The following TNS1 variants were observed in gnomAD, a reference collection of about 807,000 sequenced individuals.
TNS1 encodes tensin 1.
TNS1 carries 62 observed loss-of-function variants against 168.6 expected under a neutral mutation model. The observed-to-expected ratio is 0.37, with a 90% CI of 0.30 to 0.45. TNS1 has a LOEUF of 0.45. Among genes scored for constraint, TNS1 ranks in the 20% least tolerant of loss-of-function variants. The pLI is 1.00. For missense variants in TNS1, 2,240 were observed against 2,339.4 expected, an observed-to-expected ratio of 0.96 and a Z score of 0.88; for synonymous variants, 934 against 933.2, an observed-to-expected ratio of 1.00 and a Z score of -0.02.
At chr2:217,914,462 G>A (rs73990627) in intron 4 of TNS1, among the ~76,000 whole-genome samples, 2,736 of 152,264 alleles carry the variant, frequency 0.018, 55 homozygotes, top group Admixed American at 0.061. Context: ...CATCAGCATG[G>A]TGCCTTATAC....
chr2:217,885,878 G>A (rs1316042382), intron 14 of TNS1, 59 bp from the exon 15 acceptor site: 4 of 1,526,274 alleles, frequency 2.6e-6, no homozygotes, highest in Non-Finnish European at 3.6e-6. Flanking sequence ...TGAGGGAGGG[G>A]CATTTTCTCC....
intron 3 of TNS1, among the ~76,000 whole-genome samples, chr2:217,951,427 A>G (rs541796057): frequency 1.3e-5 from 2 of 152,210 alleles, no homozygotes; most frequent in Non-Finnish European, 2.9e-5. Context: ...GGATTAACTC[A>G]TTCTAATCCT....
At chr2:217,805,417 A>G (rs1410294831) in intron 32 of TNS1, among the ~76,000 whole-genome samples, 1 of 111,682 alleles carries the variant, frequency 9.0e-6, no homozygotes, top group Non-Finnish European at 1.9e-5. Context: ...CTGTGTGTAC[A>G]AACCACCACA....
intron 18 of TNS1, chr2:217,858,630 T>C (rs2125518971): frequency 1.1e-6 from 1 of 942,030 alleles, no homozygotes; most frequent in Admixed American, 6.2e-5. Flanking sequence ...TCCCTCCGAC[T>C]GTCAGGGGTG....
At chr2:217,885,664 C>T (rs1472667735) in intron 15 of TNS1, 80 bp downstream of exon 15, 2 of 1,472,118 alleles carry the variant, frequency 1.4e-6, no homozygotes, top group Non-Finnish European at 1.9e-6. Context: ...CTGTCTTGTC[C>T]CAAGAGGCAG....
In TNS1 at chr2:217,813,394, T is replaced by G. The variant is rs951409147; in HGVS notation, c.4862-87A>C. The G allele has an allele frequency of 2.6e-6, 3 of 1,174,586 alleles. No individual in the cohort carries two copies. Among genetic ancestry groups the G allele is most frequent in the East Asian group, 2.6e-5 (1 of 39,026 alleles). 72.8% of individuals were successfully genotyped at this position (1,174,586 alleles called of 1,614,324 possible). On this transcript the variant is annotated intron_variant, in intron 26 of 32. Coordinates refer to ENST00000682258, the MANE Select transcript of TNS1 (RefSeq NM_001387777.1). This position sits in a 1 kb window ranked among gnomAD's most constrained non-coding sequence, Gnocchi z 4.0. ...CAAGACTGCTTCAAAACTTCCGCAG[T>G]GTGCGGGGCCAAGATGGGAGAAATG... is the stretch of plus-strand genomic sequence containing the variant.
At chr2:218,000,453 C>T (rs1256027759) in intron 1 of TNS1, among the ~76,000 whole-genome samples, 1 of 152,226 alleles carries the variant, frequency 6.6e-6, no homozygotes, top group African/African-American at 2.4e-5. Flanking sequence ...AGCATCAGGT[C>T]TGGGATACAG....
At chr2:218,009,176 G>A (rs931458133) in intron 1 of TNS1, among the ~76,000 whole-genome samples, 1 of 152,198 alleles carries the variant, frequency 6.6e-6, no homozygotes, top group Non-Finnish European at 1.5e-5. Context: ...TGCCCCAAGA[G>A]AGTGGGTCGG....
intron 20 of TNS1, 29 bp from the exon 21 acceptor site, chr2:217,835,195 G>A (rs916573188): frequency 6.3e-7 from 1 of 1,593,834 alleles, no homozygotes; most frequent in Non-Finnish European, 8.6e-7. Context: ...GAGAAAAAGA[G>A]GGAAACCATG....
At chr2:217,833,112 G>A (rs923303552) in intron 21 of TNS1, among the ~76,000 whole-genome samples, 2 of 152,200 alleles carry the variant, frequency 1.3e-5, no homozygotes, top group African/African-American at 2.4e-5. Context: ...CCTCAGAGAC[G>A]GTCATTCATG....
chr2:217,975,090 T>C (rs1334488060), intron 3 of TNS1, among the ~76,000 whole-genome samples: 4 of 152,174 alleles, frequency 2.6e-5, no homozygotes, highest in Admixed American at 1.3e-4. Flanking sequence ...AGCCACCATG[T>C]TGTAAGGACA....
intron 2 of TNS1, among the ~76,000 whole-genome samples, chr2:217,988,936 C>T (rs1958277885): frequency 6.6e-6 from 1 of 152,046 alleles, no homozygotes; most frequent in Non-Finnish European, 1.5e-5. Context: ...ATGCAGTAAG[C>T]GCTTTAGAAA....
intron 17 of TNS1, 149 bp from the exon 18 acceptor site, chr2:217,881,163 A>G: frequency 1.6e-6 from 1 of 618,932 alleles, no homozygotes; most frequent in Admixed American, 2.8e-5. Flanking sequence ...GGTGGGCGGG[A>G]CCAGTGGCTT....
At position 217,882,118 on chromosome 2, in the gene TNS1, A is replaced by G. The variant is rs78178885; in HGVS notation, c.1312+228T>C. 2,393 of 453,660 alleles carry G rather than the reference A, an allele frequency of 5.3e-3. 41 individuals carry two copies. Among genetic ancestry groups the G allele is most frequent in the African/African-American group, 0.044 (2,140 of 48,492 alleles). The allele number at this position is 453,660 out of a possible 1,614,324, so 28.1% of individuals were successfully genotyped here. On this transcript the variant is annotated intron_variant, in intron 17 of 32. Coordinates refer to ENST00000682258, the MANE Select transcript of TNS1 (RefSeq NM_001387777.1). The stretch of plus-strand genomic sequence containing the variant: ...TGACCTAATGGGACCAGAACAGTTT[A>G]TCCAACCCAGTGCCTCTCTGTCTGC...
Position 217,999,905 on chromosome 2 carries a change from G to A in TNS1, c.33+2935C>T, listed in dbSNP as rs148802457. ...GTGACCAGCTTGAGACCACTTAGCT[G>A]GCTCAGGGCAGAGCCAAAGCTGCAC... On this transcript the variant is annotated intron_variant, in intron 1 of 32. Transcript: ENST00000682258. Among the ~76,000 whole-genome samples, 13 of 152,266 alleles carry A rather than the reference G, an allele frequency of 8.5e-5. No homozygotes were observed. In the East Asian group the frequency reaches 2.3e-3, roughly 27 times the overall value.
At chr2:217,960,884 G>C (rs16858509) in intron 3 of TNS1, among the ~76,000 whole-genome samples, 14,954 of 152,082 alleles carry the variant, frequency 0.098, 1,303 homozygotes, top group African/African-American at 0.24. Context: ...CTGTCTGGTA[G>C]CCACTCCTCT....
chr2:217,846,888 T>C (rs987336), intron 19 of TNS1, among the ~76,000 whole-genome samples: 67,159 of 152,022 alleles, frequency 0.44, 15,456 homozygotes, highest in African/African-American at 0.59. Context: ...AAAACTGACT[T>C]AGAAGGGGAA....
chr2:217,980,180 C>A (rs1366989225), intron 2 of TNS1, among the ~76,000 whole-genome samples: 1 of 152,148 alleles, frequency 6.6e-6, no homozygotes, highest in African/African-American at 2.4e-5. Flanking sequence ...AGGCCTGTGA[C>A]TCACCGGTGC....
At position 217,801,448 on chromosome 2, in the gene TNS1, G is replaced by T. The variant is rs191364029; in HGVS notation, c.*3011C>A. The T allele has an allele frequency of 6.6e-6, 1 of 152,168 alleles. No homozygotes were observed. The highest frequency in any genetic ancestry group is 1.5e-5 in the Non-Finnish European group (1 of 68,088). The allele number at this position is 152,168 out of a possible 1,614,324, so 9.4% of individuals were successfully genotyped here. A position where few individuals can be genotyped will look rare whatever the true frequency, so the allele number is the denominator to read the frequency against. On this transcript the variant is annotated 3_prime_UTR_variant, in exon 33 of 33. Coordinates refer to ENST00000682258, the MANE Select transcript of TNS1 (RefSeq NM_001387777.1). The stretch of plus-strand genomic sequence containing the variant: ...GACTGAACCTGCTGGGGTCTGCGTC[G>T]CTGCGATGTCCATGACTCCCTGGCT...
Sources: gnomAD v4.1 joint callset for allele counts (sites outside exome capture counted in the v4.1 genomes callset) on GRCh38, gnomAD v4.1.1 for gene constraint, Gnocchi (gnomAD v3.1) non-coding constraint, MANE v1.5 for transcripts, NCBI Gene and HGNC (gene_info 2026-07-23, HGNC 2026-07-21) for gene names.